COPS7B: variants seen among roughly 807,000 people sequenced by gnomAD.
COPS7B encodes COP9 signalosome complex subunit 7b.
A neutral mutation model predicts 33.4 loss-of-function variants in COPS7B; 9 were observed. The ratio of observed to expected loss-of-function variants is 0.27; its 90% CI spans 0.16 to 0.47. The LOEUF (loss-of-function observed/expected upper bound fraction) is 0.47, where lower values mean the gene tolerates loss of function less well. Among genes scored for constraint, COPS7B ranks in the 20% least tolerant of loss-of-function variants. COPS7B has a pLI of 0.99. For missense variants in COPS7B, 242 were observed against 318.2 expected, an observed-to-expected ratio of 0.76 and a Z score of 1.82; for synonymous variants, 119 against 126.3, an observed-to-expected ratio of 0.94 and a Z score of 0.39.
rs760339268 is a variant in COPS7B at position 231,807,469 on chromosome 2, T to C, written c.637-18T>C. 1 of 1,603,784 alleles carries C rather than the reference T, an allele frequency of 6.2e-7. No homozygotes were observed. The highest frequency in any genetic ancestry group is 1.3e-5 in the African/African-American group (1 of 74,572). On this transcript the variant is annotated intron_variant, in intron 6 of 6. Coordinates refer to ENST00000350033, the MANE Select transcript of COPS7B (RefSeq NM_022730.4). Reference sequence around the variant, plus strand: ...GCACATACAGGCTGAGCACTCCAATTCTATATCTCCCCACCAGGTTACCAA... The same window carrying C: ...GCACATACAGGCTGAGCACTCCAATCCTATATCTCCCCACCAGGTTACCAA...
intron 6 of COPS7B, chr2:231,801,448 T>G: frequency 4.5e-6 from 2 of 440,142 alleles, no homozygotes; most frequent in Non-Finnish European, 6.0e-6. Context: ...GAAAGTATTT[T>G]CTTTTTGAGA....
In COPS7B at chr2:231,801,091, A is replaced by G. The variant is rs1187221815; in HGVS notation, c.636+2127A>G. The G allele has an allele frequency of 3.3e-6, 5 of 1,535,364 alleles. No homozygotes were observed. The African/African-American group carries it at 4.1e-5, about 13-fold the overall frequency. ...ACCCTTGGCCTAACTTTTAAAAGCCAATTTTGTCAACTGATTGGTGATCTT... is the reference window on the plus strand; with the variant it reads ...ACCCTTGGCCTAACTTTTAAAAGCCGATTTTGTCAACTGATTGGTGATCTT... On this transcript the variant is annotated intron_variant, in intron 6 of 6. Coordinates refer to ENST00000350033, the MANE Select transcript of COPS7B (RefSeq NM_022730.4).
intron 5 of COPS7B, among the ~76,000 whole-genome samples, chr2:231,797,349 C>T (rs528865728): frequency 6.6e-6 from 1 of 152,306 alleles, no homozygotes; most frequent in South Asian, 2.1e-4. Context: ...GCCCCAAACA[C>T]CTTCTCTATA....
upstream of COPS7B, among the ~76,000 whole-genome samples, chr2:231,783,469 G>A (rs1010179733): frequency 6.6e-6 from 1 of 152,184 alleles, no homozygotes; most frequent in Non-Finnish European, 1.5e-5. Context: ...TAGCCGTTCT[G>A]GCTGAATGTG....
At chr2:231,784,064 AGGTGTGGTG>A (rs2049184581), upstream of COPS7B, among the ~76,000 whole-genome samples, 1 of 127,346 alleles carries the variant, frequency 7.9e-6, no homozygotes, top group Non-Finnish European at 1.6e-5. Context: ...GCTTGAGCAT[AGGTGTGGTG>A]TCTGAGAGGG....
intron 6 of COPS7B, chr2:231,801,302 T>A (rs918964359): frequency 2.0e-5 from 31 of 1,524,414 alleles, no homozygotes; most frequent in South Asian, 3.7e-5. Flanking sequence ...TTTGTGGAAA[T>A]AACCCATATT....
At chr2:231,786,315 C>A, upstream of COPS7B, 1 of 443,510 alleles carries the variant, frequency 2.3e-6, no homozygotes, top group Non-Finnish European at 3.0e-6. Flanking sequence ...CTCGCTCCCA[C>A]TTCCCCACCG....
upstream of COPS7B, chr2:231,786,225 T>C (rs16828427): frequency 0.023 from 3,616 of 155,586 alleles, 62 homozygotes; most frequent in Non-Finnish European, 0.035. Context: ...TGCAGTACCG[T>C]CTAGGCCGCA....
Position 231,807,574 on chromosome 2 carries a change from C to T in COPS7B, c.724C>T (p.Pro242Ser). 2 of 1,608,718 alleles carry T rather than the reference C, an allele frequency of 1.2e-6. No individual in the cohort carries two copies. The highest frequency in any genetic ancestry group is 1.3e-5 in the African/African-American group (1 of 74,940). Residue 242 changes from proline (P) to serine (S), a missense_variant, in exon 7 of 7, where the codon CCT becomes TCT. Transcript: ENST00000350033. ...GCAGCTGGCTGAACGGGAGTGTCCC[C>T]CTCACGCTGAGCAGAGGCAGCCCAC... ...EQQLAERECP[P>S]HAEQRQPTKK...
Position 231,786,503 on chromosome 2 carries a change from C to T in COPS7B, c.-52C>T, listed in dbSNP as rs1002770959. On this transcript the variant is annotated 5_prime_UTR_variant, in exon 1 of 7. Transcript: ENST00000350033. The stretch of plus-strand genomic sequence containing the variant: ...TGCGGGCAGGCGCCGGGAGGCCGAG[C>T]CAGCGACTAAGAGGACCGAGAGGTG... 4.8e-5 allele frequency: 47 copies of T among 985,834 alleles called. No homozygotes were observed. Among genetic ancestry groups the T allele is most frequent in the Non-Finnish European group, 5.3e-5 (44 of 830,080 alleles). 61.1% of individuals were successfully genotyped at this position (985,834 alleles called of 1,614,324 possible).
chr2:231,796,782 A>T (rs142303957), intron 5 of COPS7B, among the ~76,000 whole-genome samples: 1,999 of 152,360 alleles, frequency 0.013, 30 homozygotes, highest in Non-Finnish European at 0.017. Context: ...AATCAGTAAC[A>T]TATTGGGCTA....
intron 2 of COPS7B, 108 bp downstream of exon 2, chr2:231,788,840 T>A (rs1455080211): frequency 5.0e-6 from 5 of 1,002,688 alleles, no homozygotes; most frequent in Non-Finnish European, 7.4e-6. Flanking sequence ...GGTACCCTAT[T>A]GTGAGACAGA....
rs908087021 is a variant in COPS7B at position 231,808,688 on chromosome 2, G to A, written c.*1043G>A. 3.5e-6 allele frequency: 1 copy of A among 284,250 alleles called. No individual in the cohort carries two copies. Among genetic ancestry groups the A allele is most frequent in the Middle Eastern group, 5.8e-4 (1 of 1,722 alleles). The allele number at this position is 284,250 out of a possible 1,614,324, so 17.6% of individuals were successfully genotyped here. On this transcript the variant is annotated 3_prime_UTR_variant, in exon 7 of 7. Coordinates refer to ENST00000350033, the MANE Select transcript of COPS7B (RefSeq NM_022730.4). ...TTTTAATTTTTTTTTTTTTGTACAG[G>A]TTCTGATTCTAATACATTTCAACAT...
rs368419359 is a variant in COPS7B, at chr2:231,788,527, ATGAC to A, written c.-16-23_-16-20del. ...CAGACTTTGCAAAGGAGAAGGAAGA[ATGAC>A]TGACACAATTTTCTTTTGGACAGAT... On this transcript the variant is annotated intron_variant, in intron 1 of 6. Coordinates refer to ENST00000350033, the MANE Select transcript of COPS7B (RefSeq NM_022730.4). The A allele has an allele frequency of 1.1e-3, 1,833 of 1,607,000 alleles. 12 individuals are homozygous for A. In the African/African-American group the frequency reaches 0.02, roughly 17 times the overall value.
At chr2:231,791,866 G>C in intron 3 of COPS7B, 58 bp downstream of exon 3, 1 of 1,473,684 alleles carries the variant, frequency 6.8e-7, no homozygotes, top group Non-Finnish European at 9.5e-7. Flanking sequence ...CAGTTTGGAA[G>C]ACCATCAAGG....
At chr2:231,802,129 T>C (rs2049768415) in intron 6 of COPS7B, among the ~76,000 whole-genome samples, 2 of 152,308 alleles carry the variant, frequency 1.3e-5, no homozygotes, top group South Asian at 2.1e-4. Context: ...GGAATGTTAA[T>C]TTATAACTAT....
chr2:231,791,673 G>T, intron 2 of COPS7B, 60 bp from the exon 3 acceptor site: 1 of 1,430,038 alleles, frequency 7.0e-7, no homozygotes, highest in South Asian at 1.2e-5. Flanking sequence ...TCCTCTGTTT[G>T]AACACTACAG....
At chr2:231,796,381 G>T in intron 5 of COPS7B, 73 bp downstream of exon 5, 1 of 1,437,662 alleles carries the variant, frequency 7.0e-7, no homozygotes, top group Non-Finnish European at 9.6e-7. Flanking sequence ...TGATTCCCTG[G>T]TGTCAGCTGA....
chr2:231,788,559 C>T lies in COPS7B; in HGVS notation c.-12C>T, dbSNP rs867764932. ...ACACAATTTTCTTTTGGACAGATTTCAAGGCCAGAGAATGGCAGGGGAACA... is the reference window on the plus strand; with the variant it reads ...ACACAATTTTCTTTTGGACAGATTTTAAGGCCAGAGAATGGCAGGGGAACA... On this transcript the variant is annotated 5_prime_UTR_variant, in exon 2 of 7. Coordinates refer to ENST00000350033, the MANE Select transcript of COPS7B (RefSeq NM_022730.4). 2 of 1,612,382 alleles carry T rather than the reference C, an allele frequency of 1.2e-6. No homozygotes were observed. The highest frequency in any genetic ancestry group is 1.7e-6 in the Non-Finnish European group (2 of 1,179,688).
Sources: allele counts gnomAD v4.1 joint callset (sites outside exome capture counted in the v4.1 genomes callset), GRCh38; gene constraint gnomAD v4.1.1; transcripts MANE v1.5; gene names NCBI Gene and HGNC (gene_info 2026-07-23, HGNC 2026-07-21).